PLXNC1: variants seen among roughly 807,000 people sequenced by gnomAD.
PLXNC1 encodes the protein plexin-C1.
A neutral mutation model predicts 178.2 loss-of-function variants in PLXNC1; 75 were observed. That is an observed-to-expected ratio of 0.42 (90% CI 0.35 to 0.51). The LOEUF is 0.51. Ranked by LOEUF, PLXNC1 falls within the 20% of genes least tolerant of loss-of-function variation. The pLI is 0.02. For missense variants in PLXNC1, 1,503 were observed against 1,984.4 expected (o/e 0.76, Z 4.61); for synonymous variants, 790 against 779.9 (o/e 1.01, Z -0.22).
intron 2 of PLXNC1, among the ~76,000 whole-genome samples, chr12:94,173,181 C>T (rs1473648188): frequency 1.3e-5 from 2 of 152,138 alleles, no homozygotes; most frequent in East Asian, 1.9e-4. Flanking sequence ...TTGGGGAATT[C>T]ACACTGCACG....
intron 11 of PLXNC1, among the ~76,000 whole-genome samples, chr12:94,241,660 A>C (rs993059343): frequency 1.3e-5 from 2 of 152,192 alleles, no homozygotes; most frequent in African/African-American, 2.4e-5. Context: ...AATGTCCTGC[A>C]GTTCCATCTG....
intron 9 of PLXNC1, among the ~76,000 whole-genome samples, chr12:94,230,865 T>A (rs1448238807): frequency 1.3e-5 from 2 of 152,216 alleles, no homozygotes; most frequent in Admixed American, 6.5e-5. Flanking sequence ...CCTAGGCGTC[T>A]AGGATCCTGA....
rs2135958679 is a variant in PLXNC1, at chr12:94,180,710, C to A, written c.1204-736C>A. 2.6e-5 allele frequency among the ~76,000 whole-genome samples: 4 copies of A among 152,316 alleles called. No homozygotes were observed. In the South Asian group the frequency reaches 8.3e-4, roughly 32 times the overall value. ...ACTTGTCTGTATCTGCCAAGTTAAT[C>A]TGGGTCACTTCTAACTGTATGATGA... On this transcript the variant is annotated intron_variant, in intron 2 of 30. Coordinates refer to ENST00000258526, the MANE Select transcript of PLXNC1 (RefSeq NM_005761.3).
At chr12:94,180,667 A>G (rs1962272311) in intron 2 of PLXNC1, among the ~76,000 whole-genome samples, 1 of 152,350 alleles carries the variant, frequency 6.6e-6, no homozygotes, top group East Asian at 1.9e-4. Flanking sequence ...CGTATATTTT[A>G]TATGTGAACA....
chr12:94,233,668 G>A (rs1027237993), intron 9 of PLXNC1, among the ~76,000 whole-genome samples: 64 of 152,146 alleles, frequency 4.2e-4, no homozygotes, highest in African/African-American at 1.3e-3. Flanking sequence ...AGCCTGTACC[G>A]AGGGGCCCCC....
In PLXNC1 at chr12:94,226,488, A is replaced by ATTT. The variant is rs62973962; in HGVS notation, c.1791-104_1791-102dup. On this transcript the variant is annotated intron_variant, in intron 7 of 30. Transcript: ENST00000258526. ...GCCTCACAGGAATGTCTGTCCAGGGATTTTTTTTTTTTTTTGCCTTCTTTT... is the reference window on the plus strand; with the variant it reads ...GCCTCACAGGAATGTCTGTCCAGGGATTTTTTTTTTTTTTTTTTGCCTTCTTTT... 2.0e-3 allele frequency: 1,070 copies of ATTT among 537,836 alleles called. 4 individuals are homozygous for ATTT. Among genetic ancestry groups the ATTT allele is most frequent in the East Asian group, 8.7e-3 (244 of 28,208 alleles). The allele number at this position is 537,836 out of a possible 1,614,324, so 33.3% of individuals were successfully genotyped here.
chr12:94,221,526 G>A (rs1334579814), intron 6 of PLXNC1, among the ~76,000 whole-genome samples: 7 of 152,234 alleles, frequency 4.6e-5, no homozygotes, highest in Non-Finnish European at 7.3e-5. Context: ...AGTTCATGGA[G>A]TAGGTCTCCA....
At chr12:94,264,356 G>A (rs1334715925) in intron 20 of PLXNC1, among the ~76,000 whole-genome samples, 1 of 152,178 alleles carries the variant, frequency 6.6e-6, no homozygotes, top group Non-Finnish European at 1.5e-5. Flanking sequence ...TTTGTAGAAA[G>A]AGCCAATCGG....
chr12:94,297,500 T>A, intron 26 of PLXNC1, 77 bp downstream of exon 26: 1 of 999,666 alleles, frequency 1.0e-6, no homozygotes, highest in East Asian at 2.6e-5. Flanking sequence ...TCCACTGAAG[T>A]GTGAAAATGT....
intron 4 of PLXNC1, among the ~76,000 whole-genome samples, chr12:94,195,986 G>T (rs768809072): frequency 1.3e-5 from 2 of 152,002 alleles, no homozygotes; most frequent in African/African-American, 2.4e-5. Context: ...CTGTCTTGAG[G>T]GTTCTTCTCC....
chr12:94,248,142 C>T lies in PLXNC1; in HGVS notation c.2592+36C>T, dbSNP rs552124395. On this transcript the variant is annotated intron_variant, in intron 13 of 30. Coordinates refer to ENST00000258526, the MANE Select transcript of PLXNC1 (RefSeq NM_005761.3). ...TTTCTTTCTGGGTGGGATGTCACCC[C>T]GACCCCTTGACTGGAAAGGTGTGTT... is the stretch of plus-strand genomic sequence containing the variant. 5.0e-5 allele frequency: 79 copies of T among 1,591,936 alleles called. 1 individual carries two copies. The South Asian group carries it at 7.2e-4, about 14-fold the overall frequency.
rs910272184 is a variant in PLXNC1 at position 94,152,725 on chromosome 12, TCTC to T, written c.1062+2698_1062+2700del. ...TGGATTTGCTTGCCTTCTTTCTCCC[TCTC>T]CTCCTAGCTGGCTCTTATTTTCCGT... On this transcript the variant is annotated intron_variant, in intron 1 of 30. Coordinates refer to ENST00000258526, the MANE Select transcript of PLXNC1 (RefSeq NM_005761.3). Among the ~76,000 whole-genome samples the T allele has an allele frequency of 1.1e-4, 16 of 152,288 alleles. No individual in the cohort carries two copies. The South Asian group carries it at 1.4e-3, about 14-fold the overall frequency.
intron 5 of PLXNC1, among the ~76,000 whole-genome samples, chr12:94,217,448 C>T (rs1000691541): frequency 1.3e-5 from 2 of 152,164 alleles, no homozygotes; most frequent in East Asian, 1.9e-4. Context: ...CTCCTTTATC[C>T]CCACCCCAGA....
At chr12:94,199,778 G>A (rs2135987967) in intron 4 of PLXNC1, among the ~76,000 whole-genome samples, 1 of 152,298 alleles carries the variant, frequency 6.6e-6, no homozygotes, top group Non-Finnish European at 1.5e-5. Flanking sequence ...AGGCTTTTTT[G>A]TTTGTTTGTT....
intron 23 of PLXNC1, among the ~76,000 whole-genome samples, chr12:94,284,979 G>C (rs1966741155): frequency 1.3e-5 from 2 of 152,172 alleles, no homozygotes; most frequent in Non-Finnish European, 2.9e-5. Context: ...GGTGAGGATT[G>C]GTGCTGTCCA....
chr12:94,265,235 CAATA>C lies in PLXNC1; in HGVS notation c.3597+13_3597+16del, dbSNP rs747154477. On this transcript the variant is annotated intron_variant, in intron 21 of 30. Coordinates refer to ENST00000258526, the MANE Select transcript of PLXNC1 (RefSeq NM_005761.3). ...GGAATTCAGTACTGTGGTATGTTTT[CAATA>C]AAGCTCCCAGCCAGACTCCCAAATA... is the stretch of plus-strand genomic sequence containing the variant. The C allele has an allele frequency of 7.6e-6, 12 of 1,585,950 alleles. No homozygotes were observed. The highest frequency in any genetic ancestry group is 1.0e-5 in the Non-Finnish European group (12 of 1,159,044).
chr12:94,297,242 C>G (rs1968022021), intron 25 of PLXNC1, 22 bp downstream of exon 25: 4 of 1,613,836 alleles, frequency 2.5e-6, no homozygotes, highest in African/African-American at 1.3e-5. Context: ...CTTTCTTGTG[C>G]TCACCACTGA....
Position 94,248,413 on chromosome 12 carries a change from G to T in PLXNC1, c.2778+1G>T. 1.3e-6 allele frequency: 2 copies of T among 1,594,580 alleles called. No individual in the cohort carries two copies. The highest frequency in any genetic ancestry group is 1.7e-6 in the Non-Finnish European group (2 of 1,171,082). Reference sequence around the variant, plus strand: ...TGCCAACTCTTCTAAGAAAGTTCGGGTAAGTGACCTGGCAGTCCCACCTGC... The same window carrying T: ...TGCCAACTCTTCTAAGAAAGTTCGGTTAAGTGACCTGGCAGTCCCACCTGC... On this transcript the variant is annotated splice_donor_variant, in intron 14 of 30. Transcript: ENST00000258526. LOFTEE classifies it high-confidence loss of function.
At chr12:94,193,613 C>T (rs561244406) in intron 4 of PLXNC1, among the ~76,000 whole-genome samples, 28 of 152,316 alleles carry the variant, frequency 1.8e-4, no homozygotes, top group African/African-American at 6.7e-4. Flanking sequence ...GTGTCCCAGG[C>T]ACTGGGCTAG....
Sources: gnomAD v4.1 joint callset for allele counts (sites outside exome capture counted in the v4.1 genomes callset) on GRCh38, gnomAD v4.1.1 for gene constraint, MANE v1.5 for transcripts, NCBI Gene and HGNC (gene_info 2026-07-23, HGNC 2026-07-21) for gene names.